The following LTN1 variants were observed in gnomAD, a reference collection of about 807,000 sequenced individuals.
LTN1 encodes the protein E3 ubiquitin-protein ligase listerin.
Under a neutral mutation model 201.2 loss-of-function variants are expected in LTN1, and 88 were observed. The observed-to-expected ratio is 0.44, with a 90% CI of 0.37 to 0.52. The LOEUF is 0.52. Ranked by LOEUF, LTN1 falls within the 20% of genes least tolerant of loss-of-function variation. LTN1 has a pLI of 0.00. For missense variants in LTN1, 1,752 were observed against 2,038.7 expected, an observed-to-expected ratio of 0.86 and a Z score of 2.71; for synonymous variants, 645 against 713.5, an observed-to-expected ratio of 0.90 and a Z score of 1.53.
chr21:28,991,354 T>C (rs926344770), intron 1 of LTN1, among the ~76,000 whole-genome samples: 1 of 152,024 alleles, frequency 6.6e-6, no homozygotes, highest in African/African-American at 2.4e-5. Context: ...AATACAAGGC[T>C]GTATCCTGGA....
rs776383523 is a variant in LTN1, at chr21:28,967,161, C to A, written c.1330G>T (p.Ala444Ser). The change falls in exon 10 of 30, where the codon GCA becomes TCA. Residue 444 changes from alanine to serine, a missense_variant. Coordinates refer to ENST00000361371, the MANE Select transcript of LTN1 (RefSeq NM_015565.3). ...VNDQLIPFID[A>S]VLKDPGLQHG... The stretch of plus-strand genomic sequence containing the variant: ...TGCAATCCTGGGTCTTTGAGAACTG[C>A]ATCAATAAAAGGGATCAACTGAAAG... The A allele has an allele frequency of 6.2e-7, 1 of 1,610,450 alleles. No homozygotes were observed.
In LTN1 at chr21:28,959,424, T is replaced by G. The variant is rs766229398; in HGVS notation, c.2593+34A>C. 4 of 1,596,808 alleles carry G rather than the reference T, an allele frequency of 2.5e-6. No individual in the cohort carries two copies. The African/African-American group carries it at 5.4e-5, about 22-fold the overall frequency. On this transcript the variant is annotated intron_variant, in intron 13 of 29. Transcript: ENST00000361371. ...TCACTATGAAGGTCAGAGCCGGAGA[T>G]TCCCAACAAAACATTTGAGCAGTAG...
At chr21:28,960,156 G>A (rs1161435125) in intron 12 of LTN1, among the ~76,000 whole-genome samples, 1 of 152,008 alleles carries the variant, frequency 6.6e-6, no homozygotes, top group East Asian at 1.9e-4. Flanking sequence ...CACCTGAGGT[G>A]AGGAGTTCGA....
Position 28,970,689 on chromosome 21 carries a change from A to G in LTN1, c.1038T>C (p.Thr346=), listed in dbSNP as rs369671153. 9.3e-6 allele frequency: 15 copies of G among 1,613,988 alleles called. No homozygotes were observed. The African/African-American group carries it at 1.9e-4, about 20-fold the overall frequency. Residue 346 remains threonine (T), a synonymous_variant, in exon 8 of 30, where the codon ACT becomes ACC. Coordinates refer to ENST00000361371, the MANE Select transcript of LTN1 (RefSeq NM_015565.3). ...AKKSVFPKLS[T]VIREGGRGLA... ...GACCCCGACCACCTTCACGAATCAC[A>G]GTTGATAGCTTGGGAAACACACTCT... is the stretch of plus-strand genomic sequence containing the variant.
chr21:28,950,901 G>A (rs1280214387), intron 18 of LTN1, among the ~76,000 whole-genome samples: 2 of 152,184 alleles, frequency 1.3e-5, no homozygotes, highest in African/African-American at 4.8e-5. Context: ...CAATGGGAAG[G>A]GGAAGGGAGG....
At position 28,960,886 on chromosome 21, in the gene LTN1, T is replaced by A. The variant is rs2084472507; in HGVS notation, c.2164-180A>T. 4 of 478,932 alleles carry A rather than the reference T, an allele frequency of 8.4e-6. No individual in the cohort carries two copies. In the South Asian group the frequency reaches 1.4e-4, roughly 16 times the overall value. 29.7% of individuals were successfully genotyped at this position (478,932 alleles called of 1,614,324 possible). Reference sequence around the variant, plus strand: ...CTCCCTGTTCCCCATTAAGCCTGTATGATGTTCACTTCCACGCTTTGCTGT... The same window carrying A: ...CTCCCTGTTCCCCATTAAGCCTGTAAGATGTTCACTTCCACGCTTTGCTGT... On this transcript the variant is annotated intron_variant, in intron 11 of 29. Coordinates refer to ENST00000361371, the MANE Select transcript of LTN1 (RefSeq NM_015565.3).
rs2084469143 is a variant in LTN1, at chr21:28,960,614, A to C, written c.2256T>G (p.Leu752=). ...CCCTGGATTCCAAGTCCTCATTACAAAGACAATCTGCCAAGTTGACCAATT... is the reference window on the plus strand; with the variant it reads ...CCCTGGATTCCAAGTCCTCATTACACAGACAATCTGCCAAGTTGACCAATT... ...GEKLVNLADC[L]CNEDLESRVS... The change falls in exon 12 of 30, where the codon CTT becomes CTG. Residue 752 remains leucine (L), a synonymous_variant. Transcript: ENST00000361371. 6.2e-7 allele frequency: 1 copy of C among 1,613,974 alleles called. No individual in the cohort carries two copies. The highest frequency in any genetic ancestry group is 1.7e-5 in the Admixed American group (1 of 60,004).
chr21:28,965,291 T>TA (rs2084512173), intron 11 of LTN1, among the ~76,000 whole-genome samples: 1 of 152,236 alleles, frequency 6.6e-6, no homozygotes, highest in African/African-American at 2.4e-5. Context: ...GGAAAAGTGT[T>TA]AGTTATAACA....
intron 11 of LTN1, among the ~76,000 whole-genome samples, chr21:28,962,815 T>C (rs1163755147): frequency 6.6e-6 from 1 of 152,186 alleles, no homozygotes; most frequent in Non-Finnish European, 1.5e-5. Context: ...GAAAAGTTAT[T>C]GAAGGAAATT....
At chr21:28,987,742 A>T (rs748646233) in intron 1 of LTN1, among the ~76,000 whole-genome samples, 5 of 152,308 alleles carry the variant, frequency 3.3e-5, no homozygotes, top group Middle Eastern at 3.4e-3. Flanking sequence ...CTAAACAGAA[A>T]ATGCTTCAGT....
chr21:28,950,984 G>A (rs1012952040), intron 18 of LTN1, among the ~76,000 whole-genome samples: 1 of 152,086 alleles, frequency 6.6e-6, no homozygotes, highest in African/African-American at 2.4e-5. Context: ...TGTGGTGGTG[G>A]TCACAGATGT....
At chr21:28,965,282 G>C (rs1161483752) in intron 11 of LTN1, among the ~76,000 whole-genome samples, 2 of 152,160 alleles carry the variant, frequency 1.3e-5, no homozygotes, top group South Asian at 2.1e-4. Flanking sequence ...TCTACAGTTG[G>C]AAAAGTGTTA....
chr21:28,956,832 T>C lies in LTN1; in HGVS notation c.3009A>G (p.Leu1003=), dbSNP rs2084429306. The C allele has an allele frequency of 1.4e-5, 23 of 1,612,288 alleles. No homozygotes were observed. The highest frequency in any genetic ancestry group is 3.3e-5 in the Admixed American group (2 of 59,822). Residue 1003 remains leucine (L), a synonymous_variant, in exon 16 of 30, where the codon TTA becomes TTG. Transcript: ENST00000361371. The part of the protein sequence containing the change: ...TLPSHLCTSA[L]LSKMVLIALR... ...GTGCAATTAAGACCATTTTGCTCAA[T>C]AATGCTGAAGTACACAAATGGCTGG...
At chr21:28,939,953 C>T (rs1247546413) in intron 25 of LTN1, among the ~76,000 whole-genome samples, 1 of 152,174 alleles carries the variant, frequency 6.6e-6, no homozygotes, top group Non-Finnish European at 1.5e-5. Context: ...CTTTTCCCCA[C>T]AGATATACAA....
chr21:28,988,342 C>A (rs1339176926), intron 1 of LTN1, among the ~76,000 whole-genome samples: 1 of 151,758 alleles, frequency 6.6e-6, no homozygotes, highest in Non-Finnish European at 1.5e-5. Context: ...TGGCATGTGC[C>A]TGTAATCCCA....
chr21:28,989,426 T>C lies in LTN1; in HGVS notation c.43-2492A>G, dbSNP rs1163593601. Among the ~76,000 whole-genome samples the C allele has an allele frequency of 2.0e-5, 3 of 152,160 alleles. No individual in the cohort carries two copies. In the East Asian group the frequency reaches 5.8e-4, roughly 29 times the overall value. ...CTTTGTATGTTAAGTGCTATACCCA[T>C]AGTTCAATAAAAATTAAGAAACAAT... On this transcript the variant is annotated intron_variant, in intron 1 of 29. Coordinates refer to ENST00000361371, the MANE Select transcript of LTN1 (RefSeq NM_015565.3).
At chr21:28,961,953 G>A (rs1022666436) in intron 11 of LTN1, among the ~76,000 whole-genome samples, 1 of 152,142 alleles carries the variant, frequency 6.6e-6, no homozygotes, top group African/African-American at 2.4e-5. Flanking sequence ...AGAAGTTGCA[G>A]TGAGACGAGA....
At chr21:28,974,634 A>C (rs907934894) in intron 6 of LTN1, among the ~76,000 whole-genome samples, 1 of 152,210 alleles carries the variant, frequency 6.6e-6, no homozygotes, top group East Asian at 1.9e-4. Context: ...GAGGAACTAG[A>C]AGAACCAGGA....
At position 28,971,326 on chromosome 21, in the gene LTN1, G is replaced by C. The variant is rs1245816227; in HGVS notation, c.929C>G (p.Pro310Arg). 1 of 1,614,038 alleles carries C rather than the reference G, an allele frequency of 6.2e-7. No homozygotes were observed. Among genetic ancestry groups the C allele is most frequent in the Admixed American group, 1.7e-5 (1 of 60,020 alleles). ...SVLLSIDDSD[P>R]IVCPALWEAV... ...TTCCCAGAGAGCTGGGCAGACAATT[G>C]GGTCACTGTCATCAATGCTAAGTAG... The change falls in exon 7 of 30, where the codon CCA (proline) becomes CGA (arginine). Residue 310 changes from proline (P) to arginine (R), a missense_variant. Physicochemically the swap from Pro to Arg is moderately radical, Grantham distance 103. Coordinates refer to ENST00000361371, the MANE Select transcript of LTN1 (RefSeq NM_015565.3).
Sources: gnomAD v4.1 joint callset for allele counts (sites outside exome capture counted in the v4.1 genomes callset) on GRCh38, gnomAD v4.1.1 for gene constraint, MANE v1.5 for transcripts, NCBI Gene and HGNC (gene_info 2026-07-23, HGNC 2026-07-21) for gene names.